INPP1: variants seen among roughly 807,000 people sequenced by gnomAD.
INPP1 encodes inositol polyphosphate-1-phosphatase.
In INPP1, 18 loss-of-function variants were observed where a neutral mutation model predicts 23.0. That is an observed-to-expected ratio of 0.78 (90% CI 0.54 to 1.16). The LOEUF (loss-of-function observed/expected upper bound fraction) is 1.16. INPP1 is among the 50% of genes most tolerant of loss of function. The probability of loss-of-function intolerance (pLI) is 0.00; values close to 1 mark genes in which losing one functional copy is unlikely to be tolerated. For missense variants in INPP1, 448 were observed against 482.1 expected, an observed-to-expected ratio of 0.93 and a Z score of 0.66; for synonymous variants, 164 against 176.3, an observed-to-expected ratio of 0.93 and a Z score of 0.55.
chr2:190,354,519 G>A lies in INPP1; in HGVS notation c.-65+5488G>A, dbSNP rs949443260. ...CTGACTGGCGTCCTTGTAAGAAAAG[G>A]GAGACATGCCAGAGATTAACGCCCA... On this transcript the variant is annotated intron_variant, in intron 2 of 6. Coordinates refer to ENST00000392329, the MANE Select transcript of INPP1 (RefSeq NM_001128928.2). The surrounding 1 kb of genome is among the most constrained non-coding windows in gnomAD (Gnocchi z 4.8). 6.6e-5 allele frequency among the ~76,000 whole-genome samples: 10 copies of A among 152,170 alleles called. No homozygotes were observed. The highest frequency in any genetic ancestry group is 2.4e-4 in the African/African-American group (10 of 41,420).
At position 190,346,118 on chromosome 2, in the gene INPP1, C is replaced by A. The variant is rs567142916; in HGVS notation, c.-209+2157C>A. On this transcript the variant is annotated intron_variant, in intron 1 of 6. Transcript: ENST00000392329. The surrounding 1 kb of genome is among the most constrained non-coding windows in gnomAD (Gnocchi z 5.1). ...AAATTCCTCAGGGTAGTAGGCAAGT[C>A]GGGGAGTGGGTAGAGTATAATAGTG... Among the ~76,000 whole-genome samples the A allele has an allele frequency of 6.6e-6, 1 of 152,166 alleles. No homozygotes were observed. Among genetic ancestry groups the A allele is most frequent in the Admixed American group, 6.5e-5 (1 of 15,280 alleles).
Position 190,369,102 on chromosome 2 carries a change from G to T in INPP1, c.467-1G>T. On this transcript the variant is annotated splice_acceptor_variant, in intron 5 of 6. Transcript: ENST00000392329. LOFTEE classifies it high-confidence loss of function. ...CCAAACACATTTGTTTCCTTTTTCA[G>T]ATTCAACTTATCAGTATATAAAAGG... 1 of 1,546,812 alleles carries T rather than the reference G, an allele frequency of 6.5e-7. No homozygotes were observed. The highest frequency in any genetic ancestry group is 1.2e-5 in the South Asian group (1 of 81,306).
In INPP1 at chr2:190,345,736, G is replaced by C. The variant is rs572095455; in HGVS notation, c.-209+1775G>C. Among the ~76,000 whole-genome samples, 1 of 152,380 alleles carries C rather than the reference G, an allele frequency of 6.6e-6. No homozygotes were observed. The highest frequency in any genetic ancestry group is 2.1e-4 in the South Asian group (1 of 4,830). ...CTGGCTGGCGTGGTGGCTCACGCCT[G>C]TTATCCCTGCACTTTGGGAGGCCAA... On this transcript the variant is annotated intron_variant, in intron 1 of 6. Transcript: ENST00000392329. The surrounding 1 kb of genome is among the most constrained non-coding windows in gnomAD (Gnocchi z 4.9).
intron 3 of INPP1, among the ~76,000 whole-genome samples, chr2:190,360,707 T>C (rs1341848811): frequency 6.6e-6 from 1 of 152,162 alleles, no homozygotes; most frequent in Admixed American, 6.5e-5. Context: ...TATAACATTT[T>C]CCTTCTATGT....
intron 1 of INPP1, among the ~76,000 whole-genome samples, chr2:190,344,389 C>T (rs1269905605): frequency 6.6e-6 from 1 of 152,230 alleles, no homozygotes; most frequent in East Asian, 1.9e-4. Context: ...AGGTAGATGG[C>T]GCAGCTGTCA....
At chr2:190,347,279 G>A (rs1356448393) in intron 1 of INPP1, among the ~76,000 whole-genome samples, 1 of 151,974 alleles carries the variant, frequency 6.6e-6, no homozygotes, top group Non-Finnish European at 1.5e-5. Flanking sequence ...CCAAAGTGCT[G>A]GGATTACAGG....
rs1377171121 is a variant in INPP1 at position 190,345,250 on chromosome 2, A to T, written c.-209+1289A>T. 1.3e-5 allele frequency among the ~76,000 whole-genome samples: 2 copies of T among 152,168 alleles called. No homozygotes were observed. The highest frequency in any genetic ancestry group is 2.9e-5 in the Non-Finnish European group (2 of 68,020). On this transcript the variant is annotated intron_variant, in intron 1 of 6. Coordinates refer to ENST00000392329, the MANE Select transcript of INPP1 (RefSeq NM_001128928.2). This position sits in a 1 kb window ranked among gnomAD's most constrained non-coding sequence, Gnocchi z 4.9. Reference sequence around the variant, plus strand: ...GTGTAGAATAAGCTACCACTTTTCAAGCTTTTGGACTAAACCACCGCTTGC... The same window carrying T: ...GTGTAGAATAAGCTACCACTTTTCATGCTTTTGGACTAAACCACCGCTTGC...
At chr2:190,366,607 G>A in intron 4 of INPP1, 88 bp from the exon 5 acceptor site, 1 of 933,028 alleles carries the variant, frequency 1.1e-6, no homozygotes, top group Non-Finnish European at 1.7e-6. Flanking sequence ...CGCTCTCTCT[G>A]TCTCTCTCAC....
chr2:190,344,449 C>T lies in INPP1; in HGVS notation c.-209+488C>T, dbSNP rs1575780703. Among the ~76,000 whole-genome samples the T allele has an allele frequency of 1.3e-5, 2 of 152,336 alleles. 1 individual carries two copies. Among genetic ancestry groups the T allele is most frequent in the Admixed American group, 1.3e-4 (2 of 15,306 alleles). On this transcript the variant is annotated intron_variant, in intron 1 of 6. Coordinates refer to ENST00000392329, the MANE Select transcript of INPP1 (RefSeq NM_001128928.2). ...CTTTGAGAGATGCATCTGAGTGTCCCTAGCTGCCAGCTACCTCCAGTGACC... is the reference window on the plus strand; with the variant it reads ...CTTTGAGAGATGCATCTGAGTGTCCTTAGCTGCCAGCTACCTCCAGTGACC...
Position 190,370,860 on chromosome 2 carries a change from T to C in INPP1, c.658T>C (p.Tyr220His), listed in dbSNP as rs568486564. The change falls in exon 7 of 7, where the codon TAT becomes CAT. Residue 220 changes from tyrosine (Y) to histidine (H), a missense_variant. By Grantham distance (83) the Tyr-to-His change is moderately conservative. Coordinates refer to ENST00000392329, the MANE Select transcript of INPP1 (RefSeq NM_001128928.2). ...PNTLRWKGQCYWGLSYMGTNM... is the reference protein window; with the variant it reads ...PNTLRWKGQCHWGLSYMGTNM... ...CTTCTACAGGTGGAAAGGACAGTGCTATTGGGGCCTTTCTTACATGGGGAC... is the reference window on the plus strand; with the variant it reads ...CTTCTACAGGTGGAAAGGACAGTGCCATTGGGGCCTTTCTTACATGGGGAC... The C allele has an allele frequency of 5.0e-6, 8 of 1,611,346 alleles. No homozygotes were observed. The South Asian group carries it at 8.8e-5, about 18-fold the overall frequency.
Position 190,352,902 on chromosome 2 carries a change from C to T in INPP1, c.-65+3871C>T, listed in dbSNP as rs968436588. On this transcript the variant is annotated intron_variant, in intron 2 of 6. Transcript: ENST00000392329. This position sits in a 1 kb window ranked among gnomAD's most constrained non-coding sequence, Gnocchi z 4.7. ...CAATAGCTGTCAGGCAGGCCCACCA[C>T]GCAATAGCTTCAAATTGCCATTCCT... Among the ~76,000 whole-genome samples, 7 of 152,188 alleles carry T rather than the reference C, an allele frequency of 4.6e-5. No homozygotes were observed. The highest frequency in any genetic ancestry group is 1.2e-4 in the African/African-American group (5 of 41,456).
At chr2:190,361,480 A>C (rs1414435639) in intron 3 of INPP1, among the ~76,000 whole-genome samples, 3 of 152,210 alleles carry the variant, frequency 2.0e-5, no homozygotes, top group African/African-American at 7.2e-5. Flanking sequence ...GCTCCGATAA[A>C]CTAAATGAAG....
chr2:190,371,660 C>T lies in INPP1; in HGVS notation c.*258C>T, dbSNP rs1689813095. ...TTGAAACATTTCAATAAAATATTGACCAGGAGCAGTGGCTCATGCCTGTAA... is the reference window on the plus strand; with the variant it reads ...TTGAAACATTTCAATAAAATATTGATCAGGAGCAGTGGCTCATGCCTGTAA... On this transcript the variant is annotated 3_prime_UTR_variant, in exon 7 of 7. Coordinates refer to ENST00000392329, the MANE Select transcript of INPP1 (RefSeq NM_001128928.2). This position sits in a 1 kb window ranked among gnomAD's most constrained non-coding sequence, Gnocchi z 5.3. 1 of 302,546 alleles carries T rather than the reference C, an allele frequency of 3.3e-6. No individual in the cohort carries two copies. The highest frequency in any genetic ancestry group is 2.2e-5 in the African/African-American group (1 of 46,358). The allele number at this position is 302,546 out of a possible 1,614,324, so 18.7% of individuals were successfully genotyped here.
chr2:190,357,643 G>T lies in INPP1; in HGVS notation c.-64-2396G>T, dbSNP rs569622048. 1.5e-4 allele frequency among the ~76,000 whole-genome samples: 23 copies of T among 152,188 alleles called. 1 individual carries two copies. The highest frequency in any genetic ancestry group is 2.0e-4 in the Admixed American group (3 of 15,298). On this transcript the variant is annotated intron_variant, in intron 2 of 6. Coordinates refer to ENST00000392329, the MANE Select transcript of INPP1 (RefSeq NM_001128928.2). ...ACTTGTTGTAATATTAATCCTCCTT[G>T]TGCAGAAATATTTTAACTCAACTCT...
At chr2:190,347,651 T>C (rs1689244501) in intron 1 of INPP1, among the ~76,000 whole-genome samples, 3 of 152,202 alleles carry the variant, frequency 2.0e-5, no homozygotes, top group Non-Finnish European at 4.4e-5. Context: ...TTGCCAACTT[T>C]ACCAATAGAT....
chr2:190,361,061 C>G (rs972706985), intron 3 of INPP1, among the ~76,000 whole-genome samples: 3 of 152,108 alleles, frequency 2.0e-5, no homozygotes, highest in African/African-American at 4.8e-5. Context: ...ATTCTAAAGT[C>G]GTCGTTAAAT....
At chr2:190,347,256 C>T (rs915976565) in intron 1 of INPP1, among the ~76,000 whole-genome samples, 7 of 151,900 alleles carry the variant, frequency 4.6e-5, no homozygotes, top group Non-Finnish European at 8.8e-5. Context: ...CGTGATCCAC[C>T]CGCCTTGGCC....
At chr2:190,348,776 A>G (rs1475343625) in intron 1 of INPP1, 112 bp from the exon 2 acceptor site, 2 of 152,244 alleles carry the variant, frequency 1.3e-5, no homozygotes, top group South Asian at 2.1e-4. Context: ...AGAAGTAGAT[A>G]TAAAAAACAG....
In INPP1 at chr2:190,369,097, T is replaced by C; in HGVS notation, c.467-6T>C. ...TGAATCCAAACACATTTGTTTCCTT[T>C]TTCAGATTCAACTTATCAGTATATA... is the stretch of plus-strand genomic sequence containing the variant. On this transcript the variant is annotated splice_polypyrimidine_tract_variant and splice_region_variant and intron_variant, in intron 5 of 6. Transcript: ENST00000392329. 1 of 1,543,358 alleles carries C rather than the reference T, an allele frequency of 6.5e-7. No individual in the cohort carries two copies. The highest frequency in any genetic ancestry group is 8.8e-7 in the Non-Finnish European group (1 of 1,133,506).
Sources: gnomAD v4.1 joint callset for allele counts (sites outside exome capture counted in the v4.1 genomes callset) on GRCh38, gnomAD v4.1.1 for gene constraint, Gnocchi (gnomAD v3.1) non-coding constraint, MANE v1.5 for transcripts, NCBI Gene and HGNC (gene_info 2026-07-23, HGNC 2026-07-21) for gene names.